Variants in TMIGD2 observed in about 807,000 individuals in gnomAD.
The protein encoded by TMIGD2 is transmembrane and immunoglobulin domain containing 2, also known as transmembrane and immunoglobulin domain-containing protein 2.
A neutral mutation model predicts 22.6 loss-of-function variants in TMIGD2; 18 were observed. That is an observed-to-expected ratio of 0.80 (90% CI 0.55 to 1.18). The LOEUF (loss-of-function observed/expected upper bound fraction) is 1.18, where lower values mean the gene tolerates loss of function less well. Among genes scored for constraint, TMIGD2 ranks in the 50% most tolerant of loss-of-function variants. The pLI, the probability that TMIGD2 is intolerant of heterozygous loss-of-function variation, is 0.00. For synonymous variants in TMIGD2, 184 were observed against 154.1 expected, an observed-to-expected ratio of 1.19 and a Z score of -1.44; for missense variants, 361 against 378.2, an observed-to-expected ratio of 0.95 and a Z score of 0.38.
chr19:4,294,014 A>G (rs138179444), intron 4 of TMIGD2, among the ~76,000 whole-genome samples: 3 of 151,800 alleles, frequency 2.0e-5, no homozygotes, highest in Non-Finnish European at 4.4e-5. Flanking sequence ...CACCCGCCTC[A>G]GCCTCCCAAA....
At chr19:4,296,905 G>T (rs928332625) in intron 2 of TMIGD2, among the ~76,000 whole-genome samples, 1 of 152,160 alleles carries the variant, frequency 6.6e-6, no homozygotes, top group African/African-American at 2.4e-5. Context: ...CCATAAGTGG[G>T]GGACATGGCA....
rs768142619 is a variant in TMIGD2 at position 4,300,773 on chromosome 19, C to T, written c.46+1567G>A. Among the ~76,000 whole-genome samples the T allele has an allele frequency of 5.9e-5, 9 of 152,092 alleles. No homozygotes were observed. The East Asian group carries it at 7.7e-4, about 13-fold the overall frequency. On this transcript the variant is annotated intron_variant, in intron 1 of 4. Coordinates refer to ENST00000301272, the Ensembl canonical transcript of TMIGD2. ...GGCCCTGGGGCAGGACTGTGCCTGG[C>T]GTGTTGGAGGAACAGCGAGGAGGCC...
chr19:4,297,672 T>C (rs1314735349), intron 2 of TMIGD2, among the ~76,000 whole-genome samples: 2 of 152,000 alleles, frequency 1.3e-5, no homozygotes, highest in Non-Finnish European at 2.9e-5. Context: ...CTGGCCAACA[T>C]GGTGAAACCT....
At chr19:4,297,508 T>A in intron 2 of TMIGD2, among the ~76,000 whole-genome samples, 1 of 152,280 alleles carries the variant, frequency 6.6e-6, no homozygotes, top group East Asian at 1.9e-4. Context: ...ATGCTGGGAT[T>A]ACAAGCATCA....
rs528337913 is a variant in TMIGD2, at chr19:4,295,010, G to A, written c.407-194C>T. 1.5e-3 allele frequency among the ~76,000 whole-genome samples: 221 copies of A among 151,868 alleles called. 2 individuals carry two copies. The highest frequency in any genetic ancestry group is 3.4e-3 in the Middle Eastern group (1 of 290). On this transcript the variant is annotated intron_variant, in intron 2 of 4. Coordinates refer to ENST00000301272, the Ensembl canonical transcript of TMIGD2. ...ACGCGGTGGCTCAGGCCTGTAATCC[G>A]AGCACTCTGGGAGGCTGAGGCAGGA...
intron 4 of TMIGD2, among the ~76,000 whole-genome samples, chr19:4,293,260 C>CTTTTTTT (rs150388447): frequency 4.4e-5 from 5 of 112,426 alleles, no homozygotes; most frequent in African/African-American, 1.1e-4. Flanking sequence ...CGCGCCCGGC[C>CTTTTTTT]TTTTTTTTTT....
intron 2 of TMIGD2, among the ~76,000 whole-genome samples, chr19:4,296,073 C>T (rs1356763254): frequency 6.6e-6 from 1 of 152,154 alleles, no homozygotes; most frequent in African/African-American, 2.4e-5. Context: ...TATATGCCAC[C>T]ATGCCTGGCT....
chr19:4,295,216 G>A (rs563314468), intron 2 of TMIGD2, among the ~76,000 whole-genome samples: 78 of 143,896 alleles, frequency 5.4e-4, no homozygotes, highest in East Asian at 1.7e-3. Flanking sequence ...AGCCGAGATC[G>A]TGTCACTACG....
Position 4,294,755 on chromosome 19 carries a change from G to A in TMIGD2, c.448+20C>T, listed in dbSNP as rs1270052835. Reference sequence around the variant, plus strand: ...ATGCGGGTGGAAGACGCTGGGGGAGGAACACAGGGCAGGGCTCACCTGGGA... The same window carrying A: ...ATGCGGGTGGAAGACGCTGGGGGAGAAACACAGGGCAGGGCTCACCTGGGA... On this transcript the variant is annotated intron_variant, in intron 3 of 4. Transcript: ENST00000301272. The A allele has an allele frequency of 6.3e-7, 1 of 1,583,126 alleles. No homozygotes were observed.
intron 4 of TMIGD2, among the ~76,000 whole-genome samples, chr19:4,293,966 C>T (rs8111534): frequency 0.57 from 86,269 of 151,542 alleles, 24,837 homozygotes; most frequent in South Asian, 0.73. Context: ...TTCACCATGT[C>T]GCCCAGGCTG....
chr19:4,295,271 A>G (rs1971447307), intron 2 of TMIGD2, among the ~76,000 whole-genome samples: 2 of 147,712 alleles, frequency 1.4e-5, no homozygotes, highest in Non-Finnish European at 3.0e-5. Flanking sequence ...AAAAAAAAAA[A>G]AAAAGAAGGC....
At chr19:4,292,475 G>A (rs1410225257) in exon 5 of TMIGD2, 3 of 1,015,786 alleles carry the variant, frequency 3.0e-6, no homozygotes, top group African/African-American at 3.2e-5. Context: ...GACCTCAAGT[G>A]TTCCACCCGC....
At chr19:4,299,654 A>T (rs1971509216) in intron 1 of TMIGD2, among the ~76,000 whole-genome samples, 1 of 151,914 alleles carries the variant, frequency 6.6e-6, no homozygotes, top group Non-Finnish European at 1.5e-5. Context: ...TGGGAAGTCA[A>T]GGCCGGTGGA....
At chr19:4,298,741 A>C (rs1176433806) in intron 1 of TMIGD2, among the ~76,000 whole-genome samples, 1 of 151,938 alleles carries the variant, frequency 6.6e-6, no homozygotes, top group African/African-American at 2.4e-5. Flanking sequence ...GTCTCTAAAA[A>C]TTTAACATAA....
chr19:4,302,389 T>C, exon 1 of TMIGD2: 1 of 1,559,758 alleles, frequency 6.4e-7, no homozygotes, highest in Non-Finnish European at 8.7e-7. Context: ...ACCCCATTCC[T>C]GGCCCATCAC....
intron 4 of TMIGD2, 30 bp downstream of exon 4, chr19:4,294,549 C>A (rs200786855): frequency 7.5e-6 from 12 of 1,607,686 alleles, no homozygotes; most frequent in Non-Finnish European, 1.0e-5. Context: ...CCACCTCCTC[C>A]GCCCTACCCT....
At chr19:4,293,260 C>CTTTTTTTTT (rs150388447) in intron 4 of TMIGD2, among the ~76,000 whole-genome samples, 1 of 112,426 alleles carries the variant, frequency 8.9e-6, no homozygotes, top group African/African-American at 3.6e-5. Flanking sequence ...CGCGCCCGGC[C>CTTTTTTTTT]TTTTTTTTTT....
intron 2 of TMIGD2, among the ~76,000 whole-genome samples, chr19:4,295,577 G>A (rs1419879242): frequency 2.0e-5 from 3 of 151,696 alleles, no homozygotes; most frequent in Non-Finnish European, 4.4e-5. Context: ...AAAGAAAAAT[G>A]AGGCTCATCG....
intron 1 of TMIGD2, among the ~76,000 whole-genome samples, chr19:4,301,853 T>G (rs562301233): frequency 3.9e-5 from 6 of 152,084 alleles, no homozygotes; most frequent in Non-Finnish European, 7.4e-5. Context: ...AAAGTCTGCT[T>G]TTAGCTGTGA....
Sources: allele counts gnomAD v4.1 joint callset (sites outside exome capture counted in the v4.1 genomes callset), GRCh38; gene constraint gnomAD v4.1.1; transcripts MANE v1.5; gene names NCBI Gene and HGNC (gene_info 2026-07-23, HGNC 2026-07-21).